SPAG16: variants seen among roughly 807,000 people sequenced by gnomAD.
SPAG16 encodes the protein sperm associated antigen 16.
A neutral mutation model predicts 80.4 loss-of-function variants in SPAG16; 86 were observed. The observed-to-expected ratio is 1.07, with a 90% CI of 0.90 to 1.28. SPAG16 has a LOEUF of 1.28. Among genes scored for constraint, SPAG16 ranks in the 50% most tolerant of loss-of-function variants. The pLI is 0.00. For synonymous variants in SPAG16, 294 were observed against 265.9 expected (o/e 1.11, Z -1.03); for missense variants, 870 against 765.3 (o/e 1.14, Z -1.61).
At chr2:214,235,951 G>A (rs150652936) in intron 15 of SPAG16, among the ~76,000 whole-genome samples, 2,491 of 152,226 alleles carry the variant, frequency 0.016, 42 homozygotes, top group African/African-American at 0.038. Flanking sequence ...TCAGGACACA[G>A]CAGTACAATG....
At chr2:214,138,665 C>G (rs567953504) in intron 14 of SPAG16, among the ~76,000 whole-genome samples, 1 of 152,242 alleles carries the variant, frequency 6.6e-6, no homozygotes, top group Admixed American at 6.5e-5. Context: ...TGGTCTTACT[C>G]TTATTAGTTT....
chr2:214,046,844 C>T (rs2049351868), intron 13 of SPAG16, among the ~76,000 whole-genome samples: 1 of 150,268 alleles, frequency 6.7e-6, no homozygotes, highest in Non-Finnish European at 1.5e-5. Flanking sequence ...AGTAATGTTC[C>T]AGGATAAAAA....
At chr2:213,971,034 A>G (rs956756093) in intron 12 of SPAG16, among the ~76,000 whole-genome samples, 47 of 152,280 alleles carry the variant, frequency 3.1e-4, no homozygotes, top group African/African-American at 1.1e-3. Context: ...CATCTGTTTT[A>G]TTTCATTTTT....
chr2:213,815,889 G>T (rs1046577786), intron 10 of SPAG16, among the ~76,000 whole-genome samples: 1 of 151,920 alleles, frequency 6.6e-6, no homozygotes, highest in Non-Finnish European at 1.5e-5. Flanking sequence ...ATAATTGAGG[G>T]CTATACCTTA....
Position 214,332,898 on chromosome 2 carries a change from T to C in SPAG16, c.1721-77242T>C, listed in dbSNP as rs1449720195. On this transcript the variant is annotated intron_variant, in intron 15 of 15. Coordinates refer to ENST00000331683, the MANE Select transcript of SPAG16 (RefSeq NM_024532.5). ...GTCCATGGCCACATGTAACCTGGAA[T>C]GGGGATAGGAGTTCCTTAATTACCT... 2.0e-5 allele frequency among the ~76,000 whole-genome samples: 3 copies of C among 152,200 alleles called. No homozygotes were observed. The East Asian group carries it at 5.8e-4, about 29-fold the overall frequency.
At chr2:213,576,651 G>T (rs1468444575) in intron 10 of SPAG16, among the ~76,000 whole-genome samples, 3 of 152,114 alleles carry the variant, frequency 2.0e-5, no homozygotes, top group Non-Finnish European at 4.4e-5. Context: ...CCATAAAAAA[G>T]AATGAGATCA....
intron 10 of SPAG16, among the ~76,000 whole-genome samples, chr2:213,548,560 G>C (rs1185159951): frequency 6.6e-6 from 1 of 152,114 alleles, no homozygotes; most frequent in Non-Finnish European, 1.5e-5. Flanking sequence ...TGATAGGTGC[G>C]TAATCAAATA....
At chr2:213,478,394 T>C (rs996133848) in intron 9 of SPAG16, among the ~76,000 whole-genome samples, 2 of 152,186 alleles carry the variant, frequency 1.3e-5, no homozygotes, top group African/African-American at 4.8e-5. Flanking sequence ...AATAAAACAC[T>C]GTCTATATCA....
chr2:213,854,849 G>A (rs1687335587), intron 10 of SPAG16, among the ~76,000 whole-genome samples: 1 of 152,230 alleles, frequency 6.6e-6, no homozygotes, highest in Non-Finnish European at 1.5e-5. Flanking sequence ...AGCAAACTAT[G>A]GCCCACAGGC....
At chr2:213,318,540 T>G (rs1431631861) in intron 5 of SPAG16, among the ~76,000 whole-genome samples, 2 of 151,968 alleles carry the variant, frequency 1.3e-5, no homozygotes, top group African/African-American at 4.8e-5. Context: ...GGGTAAAATG[T>G]CCACTACTTG....
intron 15 of SPAG16, among the ~76,000 whole-genome samples, chr2:214,166,752 G>A (rs184233373): frequency 9.0e-4 from 137 of 152,228 alleles, no homozygotes; most frequent in African/African-American, 2.7e-3. Flanking sequence ...TACAATGTGC[G>A]TAGGCATTCT....
At chr2:213,384,961 G>T (rs145640583) in intron 9 of SPAG16, among the ~76,000 whole-genome samples, 1 of 152,172 alleles carries the variant, frequency 6.6e-6, no homozygotes, top group South Asian at 2.1e-4. Flanking sequence ...TGACATTTAC[G>T]TGCTTCTGGC....
intron 11 of SPAG16, among the ~76,000 whole-genome samples, chr2:213,903,510 G>C (rs1006486813): frequency 1.3e-5 from 2 of 152,110 alleles, no homozygotes; most frequent in Non-Finnish European, 2.9e-5. Flanking sequence ...TGGGATGCAG[G>C]GCACCGAGTC....
intron 13 of SPAG16, among the ~76,000 whole-genome samples, chr2:214,094,254 T>C (rs1163494114): frequency 6.6e-6 from 1 of 152,112 alleles, no homozygotes; most frequent in Admixed American, 6.6e-5. Flanking sequence ...TTGCAGAGCA[T>C]TGGCTTACCC....
chr2:213,365,570 G>C (rs1269118567), intron 8 of SPAG16, among the ~76,000 whole-genome samples: 2 of 151,628 alleles, frequency 1.3e-5, no homozygotes, highest in Admixed American at 1.3e-4. Flanking sequence ...TGATTCTGGT[G>C]CCTCAGCCTC....
intron 10 of SPAG16, among the ~76,000 whole-genome samples, chr2:213,614,504 C>A (rs2061534340): frequency 6.6e-6 from 1 of 152,120 alleles, no homozygotes; most frequent in Non-Finnish European, 1.5e-5. Context: ...ATACCTGGCC[C>A]TTTTGGCTAT....
At chr2:214,349,377 T>A (rs763231755) in intron 15 of SPAG16, among the ~76,000 whole-genome samples, 19 of 152,252 alleles carry the variant, frequency 1.2e-4, no homozygotes, top group Non-Finnish European at 2.5e-4. Flanking sequence ...GTAAGTCTTC[T>A]TTTATTCAGC....
chr2:213,601,579 T>C (rs2061063344), intron 10 of SPAG16, among the ~76,000 whole-genome samples: 1 of 152,162 alleles, frequency 6.6e-6, no homozygotes. Flanking sequence ...AGTAAAAAAG[T>C]ATGATCAACT....
At chr2:213,354,600 C>G (rs747928034) in intron 7 of SPAG16, among the ~76,000 whole-genome samples, 1 of 152,204 alleles carries the variant, frequency 6.6e-6, no homozygotes, top group Non-Finnish European at 1.5e-5. Flanking sequence ...GAGATGGTAT[C>G]TCATTGTGGT....
Sources: gnomAD v4.1 joint callset for allele counts (sites outside exome capture counted in the v4.1 genomes callset) on GRCh38, gnomAD v4.1.1 for gene constraint, MANE v1.5 for transcripts, NCBI Gene and HGNC (gene_info 2026-07-23, HGNC 2026-07-21) for gene names.